AFDN: variants seen among roughly 807,000 people sequenced by gnomAD.
AFDN encodes the protein afadin, adherens junction formation factor.
Under a neutral mutation model 216.6 loss-of-function variants are expected in AFDN, and 68 were observed. That is an observed-to-expected ratio of 0.31 (90% CI 0.26 to 0.38). The LOEUF (loss-of-function observed/expected upper bound fraction) is 0.38. Among genes scored for constraint, AFDN ranks in the 10% least tolerant of loss-of-function variants. The probability of loss-of-function intolerance (pLI) is 1.00; values close to 1 mark genes in which losing one functional copy is unlikely to be tolerated. For synonymous variants in AFDN, 868 were observed against 853.7 expected (o/e 1.02, Z -0.29); for missense variants, 2,136 against 2,342.0 (o/e 0.91, Z 1.82).
At chr6:167,891,165 A>T in intron 8 of AFDN, 136 bp downstream of exon 8, 1 of 583,184 alleles carries the variant, frequency 1.7e-6, no homozygotes, top group Non-Finnish European at 2.7e-6. Flanking sequence ...TTTTAAAAGT[A>T]ACTCTCATAA....
intron 1 of AFDN, among the ~76,000 whole-genome samples, chr6:167,835,736 A>G (rs776692841): frequency 1.3e-5 from 2 of 152,226 alleles, no homozygotes; most frequent in African/African-American, 4.8e-5. Context: ...TTCCAACAAA[A>G]TGAGAAAGGC....
In AFDN at chr6:167,971,497, A is replaced by G. The variant is rs1798021910; in HGVS notation, c.*1562A>G. 5.1e-6 allele frequency: 1 copy of G among 195,146 alleles called. No homozygotes were observed. Among genetic ancestry groups the G allele is most frequent in the South Asian group, 1.9e-4 (1 of 5,202 alleles). 12.1% of individuals were successfully genotyped at this position (195,146 alleles called of 1,614,324 possible). A position where few individuals can be genotyped will look rare whatever the true frequency, so the allele number is the denominator to read the frequency against. On this transcript the variant is annotated 3_prime_UTR_variant, in exon 34 of 34. Coordinates refer to ENST00000683244, the MANE Select transcript of AFDN (RefSeq NM_001386888.1). The stretch of plus-strand genomic sequence containing the variant: ...CTTACCATTTCCTTGTTTGAGTAAG[A>G]GAGTGAATGGTTCTGAGTGTTTAGG...
intron 21 of AFDN, among the ~76,000 whole-genome samples, chr6:167,919,707 G>A (rs1344755643): frequency 6.6e-6 from 1 of 152,196 alleles, no homozygotes; most frequent in Non-Finnish European, 1.5e-5. Flanking sequence ...CTTGTGATCT[G>A]TACTGATCAA....
intron 13 of AFDN, among the ~76,000 whole-genome samples, chr6:167,909,835 C>G (rs1790166673): frequency 6.6e-6 from 1 of 152,148 alleles, no homozygotes; most frequent in African/African-American, 2.4e-5. Context: ...CTCTTACTGT[C>G]AATTTAAATT....
Position 167,962,642 on chromosome 6 carries a change from G to C in AFDN, c.4968+75G>C. The C allele has an allele frequency of 7.5e-6, 12 of 1,600,356 alleles. No homozygotes were observed. Among genetic ancestry groups the C allele is most frequent in the Non-Finnish European group, 9.4e-6 (11 of 1,169,818 alleles). ...TAATCGATTGGCTGGGGCAGAGCGGGCTGGAAGTTCTGTGTTTCTTAAGAA... is the reference window on the plus strand; with the variant it reads ...TAATCGATTGGCTGGGGCAGAGCGGCCTGGAAGTTCTGTGTTTCTTAAGAA... On this transcript the variant is annotated intron_variant, in intron 31 of 33. Coordinates refer to ENST00000683244, the MANE Select transcript of AFDN (RefSeq NM_001386888.1). The surrounding 1 kb of genome is among the most constrained non-coding windows in gnomAD (Gnocchi z 5.2).
In AFDN at chr6:167,827,192, G is replaced by C. The variant is rs1268917920; in HGVS notation, c.60G>C (p.Trp20Cys). 7.7e-7 allele frequency: 1 copy of C among 1,301,226 alleles called. No homozygotes were observed. The highest frequency in any genetic ancestry group is 1.0e-6 in the Non-Finnish European group (1 of 994,798). The allele number at this position is 1,301,226 out of a possible 1,614,324, so 80.6% of individuals were successfully genotyped here. The change falls in exon 1 of 34, where the codon TGG (tryptophan) becomes TGC (cysteine). Residue 20 changes from tryptophan (W) to cysteine (C), a missense_variant. This residue lies in a region of AFDN where 81 missense variants were observed against 51.2 expected (regional missense o/e 1.58). Transcript: ENST00000683244. ...RRKLADIIHH[W>C]NANRLDLFEI... Reference sequence around the variant, plus strand: ...AGCTGGCCGACATCATCCACCACTGGAACGCCAACCGGCTGGACCTGTTCG... The same window carrying C: ...AGCTGGCCGACATCATCCACCACTGCAACGCCAACCGGCTGGACCTGTTCG...
intron 2 of AFDN, among the ~76,000 whole-genome samples, chr6:167,865,273 AGAAATTTCT>A (rs1171904354): frequency 6.6e-6 from 1 of 152,158 alleles, no homozygotes; most frequent in Non-Finnish European, 1.5e-5. Context: ...TATTAACATT[AGAAATTTCT>A]GAAAATATCT....
chr6:167,951,090 T>C lies in AFDN; in HGVS notation c.3832-96T>C. ...CTCAGTCTCTTTCTGTACACTGATTTAACAGTTTTTCTTCTGTCTGAAGAT... is the reference window on the plus strand; with the variant it reads ...CTCAGTCTCTTTCTGTACACTGATTCAACAGTTTTTCTTCTGTCTGAAGAT... On this transcript the variant is annotated intron_variant, in intron 29 of 33. Transcript: ENST00000683244. This position sits in a 1 kb window ranked among gnomAD's most constrained non-coding sequence, Gnocchi z 7.1. 1 of 1,443,106 alleles carries C rather than the reference T, an allele frequency of 6.9e-7. No homozygotes were observed. Among genetic ancestry groups the C allele is most frequent in the Non-Finnish European group, 9.1e-7 (1 of 1,099,394 alleles). The allele number at this position is 1,443,106 out of a possible 1,614,324, so 89.4% of individuals were successfully genotyped here.
Position 167,870,308 on chromosome 6 carries a change from A to G in AFDN, c.302-78A>G, listed in dbSNP as rs542580467. The G allele has an allele frequency of 4.1e-5, 33 of 799,472 alleles. No individual in the cohort carries two copies. In the African/African-American group the frequency reaches 4.9e-4, roughly 12 times the overall value. The allele number at this position is 799,472 out of a possible 1,614,324, so 49.5% of individuals were successfully genotyped here. On this transcript the variant is annotated intron_variant, in intron 2 of 33. Coordinates refer to ENST00000683244, the MANE Select transcript of AFDN (RefSeq NM_001386888.1). ...GTGCTTTGTCTATAAAATTAAATGT[A>G]TATCAGAATGCTTGTATTAGCTAGT...
chr6:167,906,915 C>G (rs1789766049), intron 12 of AFDN, among the ~76,000 whole-genome samples: 1 of 152,234 alleles, frequency 6.6e-6, no homozygotes, highest in Admixed American at 6.5e-5. Context: ...CCAGCTTTGC[C>G]TGCCTGTGTT....
chr6:167,915,076 C>G, intron 18 of AFDN, 92 bp from the exon 19 acceptor site: 1 of 1,342,018 alleles, frequency 7.5e-7, no homozygotes, highest in Non-Finnish European at 1.0e-6. Flanking sequence ...CACTTACTAC[C>G]ATAGGTACCA....
chr6:167,841,889 A>AT (rs1368175567), intron 1 of AFDN, among the ~76,000 whole-genome samples: 1 of 150,612 alleles, frequency 6.6e-6, no homozygotes, highest in Non-Finnish European at 1.5e-5. Context: ...CTGCCCTTTC[A>AT]TTCCTTCTGT....
At chr6:167,896,628 A>G (rs1788290829) in intron 9 of AFDN, among the ~76,000 whole-genome samples, 1 of 152,220 alleles carries the variant, frequency 6.6e-6, no homozygotes. Flanking sequence ...TTTCAATGTA[A>G]TAAGAATGTG....
In AFDN at chr6:167,930,324, G is replaced by A. The variant is rs761439020; in HGVS notation, c.3099+5233G>A. Reference sequence around the variant, plus strand: ...TAGTGATAAAAGTTTTCTTCTCCTGGTGAGATGTCTATGATCTTAGTCACT... The same window carrying A: ...TAGTGATAAAAGTTTTCTTCTCCTGATGAGATGTCTATGATCTTAGTCACT... On this transcript the variant is annotated intron_variant, in intron 23 of 33. Coordinates refer to ENST00000683244, the MANE Select transcript of AFDN (RefSeq NM_001386888.1). Among the ~76,000 whole-genome samples, 7 of 152,148 alleles carry A rather than the reference G, an allele frequency of 4.6e-5. No individual in the cohort carries two copies. In the South Asian group the frequency reaches 1.5e-3, roughly 32 times the overall value.
rs545483119 is a variant in AFDN at position 167,833,135 on chromosome 6, A to G, written c.105+5898A>G. Among the ~76,000 whole-genome samples, 10 of 152,354 alleles carry G rather than the reference A, an allele frequency of 6.6e-5. No homozygotes were observed. In the South Asian group the frequency reaches 1.4e-3, roughly 22 times the overall value. On this transcript the variant is annotated intron_variant, in intron 1 of 33. Transcript: ENST00000683244. ...ACAAGACCATTTTCACAGAATATTC[A>G]GACTTTTTTGTGGGTGTTTTAAAAA... is the stretch of plus-strand genomic sequence containing the variant.
intron 23 of AFDN, among the ~76,000 whole-genome samples, chr6:167,932,230 G>A (rs1014547232): frequency 2.6e-5 from 4 of 152,074 alleles, no homozygotes; most frequent in Admixed American, 6.5e-5. Flanking sequence ...TTCTAAATTG[G>A]TGTATGGGGT....
At chr6:167,829,280 C>T (rs1383919517) in intron 1 of AFDN, among the ~76,000 whole-genome samples, 1 of 152,002 alleles carries the variant, frequency 6.6e-6, no homozygotes, top group Non-Finnish European at 1.5e-5. Flanking sequence ...TTTGTTTTCT[C>T]GAGAACTTTC....
chr6:167,844,414 C>G (rs1277427174), intron 1 of AFDN, among the ~76,000 whole-genome samples: 1 of 152,120 alleles, frequency 6.6e-6, no homozygotes, highest in Admixed American at 6.5e-5. Flanking sequence ...GAAATTCTCC[C>G]ATATTTCTAT....
rs550785550 is a variant in AFDN, at chr6:167,886,062, G to A, written c.898-3153G>A. ...AAATGCATAAAGATAATTATTGAAA[G>A]TATGGTCACAAAAATATAGTAATCT... is the stretch of plus-strand genomic sequence containing the variant. On this transcript the variant is annotated intron_variant, in intron 6 of 33. Transcript: ENST00000683244. Among the ~76,000 whole-genome samples the A allele has an allele frequency of 9.2e-5, 14 of 151,892 alleles. No homozygotes were observed. The South Asian group carries it at 2.9e-3, about 32-fold the overall frequency.
Sources: gnomAD v4.1 joint callset for allele counts (sites outside exome capture counted in the v4.1 genomes callset) on GRCh38, gnomAD v4.1.1 for gene constraint, gnomAD v4.1.1 regional missense constraint, Gnocchi (gnomAD v3.1) non-coding constraint, MANE v1.5 for transcripts, NCBI Gene and HGNC (gene_info 2026-07-23, HGNC 2026-07-21) for gene names.